The following ZFC3H1 variants were observed in gnomAD, a reference collection of about 807,000 sequenced individuals.
ZFC3H1 encodes the protein zinc finger C3H1 domain-containing protein.
In ZFC3H1, 71 loss-of-function variants were observed where a neutral mutation model predicts 243.7. That is an observed-to-expected ratio of 0.29 (90% CI 0.24 to 0.36). ZFC3H1 has a LOEUF of 0.36. Among genes scored for constraint, ZFC3H1 ranks in the 10% least tolerant of loss-of-function variants. The pLI, the probability that ZFC3H1 is intolerant of heterozygous loss-of-function variation, is 1.00. For missense variants in ZFC3H1, 1,966 were observed against 2,317.1 expected, an observed-to-expected ratio of 0.85 and a Z score of 3.11; for synonymous variants, 838 against 813.0, an observed-to-expected ratio of 1.03 and a Z score of -0.52.
chr12:71,627,283 A>AT (rs1227183849), intron 21 of ZFC3H1, among the ~76,000 whole-genome samples: 1 of 152,202 alleles, frequency 6.6e-6, no homozygotes, highest in African/African-American at 2.4e-5. Context: ...TTAAATACAT[A>AT]TAATTTAATA....
In ZFC3H1 at chr12:71,629,050, G is replaced by T; in HGVS notation, c.3827-13C>A. On this transcript the variant is annotated splice_polypyrimidine_tract_variant and intron_variant, in intron 19 of 34. Transcript: ENST00000378743. The stretch of plus-strand genomic sequence containing the variant: ...GTAAATGGAGGAGCTAAAGTAGATA[G>T]GAGAAGATTGTTAATTGATATAACT... 6.3e-7 allele frequency: 1 copy of T among 1,581,272 alleles called. No individual in the cohort carries two copies. The highest frequency in any genetic ancestry group is 1.4e-5 in the African/African-American group (1 of 72,772).
At chr12:71,657,484 C>T (rs898140529) in intron 1 of ZFC3H1, among the ~76,000 whole-genome samples, 183 bp from the exon 2 acceptor site, 1 of 152,086 alleles carries the variant, frequency 6.6e-6, no homozygotes, top group Admixed American at 6.6e-5. Flanking sequence ...ATTACGTGCC[C>T]ATATTTGAAT....
chr12:71,623,979 G>C, intron 23 of ZFC3H1, 125 bp downstream of exon 23: 1 of 998,308 alleles, frequency 1.0e-6, no homozygotes, highest in Non-Finnish European at 1.4e-6. Flanking sequence ...TTACTAGTAA[G>C]TGGAAAAACA....
chr12:71,613,143 C>T lies in ZFC3H1; in HGVS notation c.5627+192G>A, dbSNP rs187848489. On this transcript the variant is annotated intron_variant, in intron 31 of 34. Transcript: ENST00000378743. Reference sequence around the variant, plus strand: ...CTTTGTAACCTGAAGTTTTCTGAAGCGACCAGAATTTTTACACTGACTTTT... The same window carrying T: ...CTTTGTAACCTGAAGTTTTCTGAAGTGACCAGAATTTTTACACTGACTTTT... Among the ~76,000 whole-genome samples the T allele has an allele frequency of 3.4e-4, 52 of 152,196 alleles. No homozygotes were observed. The East Asian group carries it at 7.5e-3, about 22-fold the overall frequency.
At chr12:71,649,077 C>CA (rs1407276065) in intron 2 of ZFC3H1, among the ~76,000 whole-genome samples, 1 of 111,626 alleles carries the variant, frequency 9.0e-6, no homozygotes, top group African/African-American at 3.6e-5. Flanking sequence ...GGTAACAGAG[C>CA]AAGACTCTTG....
intron 5 of ZFC3H1, among the ~76,000 whole-genome samples, 200 bp downstream of exon 5, chr12:71,643,895 T>C (rs1423807121): frequency 1.3e-5 from 2 of 152,200 alleles, no homozygotes; most frequent in East Asian, 1.9e-4. Flanking sequence ...CTAAAAGCAG[T>C]CTCTGCTAAT....
intron 29 of ZFC3H1, 62 bp from the exon 30 acceptor site, chr12:71,614,762 G>A: frequency 6.3e-7 from 1 of 1,587,578 alleles, no homozygotes; most frequent in Admixed American, 1.8e-5. Flanking sequence ...CACCAAGAAA[G>A]CTGGTCACCC....
chr12:71,622,683 G>C (rs1049668068), intron 24 of ZFC3H1, among the ~76,000 whole-genome samples: 2 of 152,118 alleles, frequency 1.3e-5, no homozygotes, highest in African/African-American at 4.8e-5. Flanking sequence ...GACTGGTCTC[G>C]AACTCCTGAC....
In ZFC3H1 at chr12:71,636,973, G is replaced by A. The variant is rs761573895; in HGVS notation, c.1812C>T (p.Leu604=). ...PLPPLPPLPP[L]PPEDPEQPPK... The stretch of plus-strand genomic sequence containing the variant: ...GAGGCTGTTCTGGATCTTCAGGTGG[G>A]AGAGGTGGTAATGGTGGTAGAGGAG... Residue 604 remains leucine (L), a synonymous_variant, in exon 8 of 35, where the codon CTC becomes CTT. Transcript: ENST00000378743. 6.2e-7 allele frequency: 1 copy of A among 1,614,034 alleles called. No individual in the cohort carries two copies. Among genetic ancestry groups the A allele is most frequent in the South Asian group, 1.1e-5 (1 of 91,080 alleles).
chr12:71,645,122 A>T, intron 3 of ZFC3H1, 47 bp from the exon 4 acceptor site: 1 of 1,487,186 alleles, frequency 6.7e-7, no homozygotes, highest in Non-Finnish European at 9.0e-7. Flanking sequence ...TCTATTATTT[A>T]GCTTACACAT....
chr12:71,647,743 T>G lies in ZFC3H1; in HGVS notation c.1080+6A>C. The G allele has an allele frequency of 2.0e-6, 3 of 1,467,878 alleles. No individual in the cohort carries two copies. The highest frequency in any genetic ancestry group is 2.8e-6 in the Non-Finnish European group (3 of 1,077,498). 90.9% of individuals were successfully genotyped at this position (1,467,878 alleles called of 1,614,324 possible). On this transcript the variant is annotated splice_donor_region_variant and intron_variant, in intron 3 of 34. Transcript: ENST00000378743. Reference sequence around the variant, plus strand: ...GAGATGATAGTCTCACAAAGCAGTATCTTACCTTTTCAGACAGAATATCTG... The same window carrying G: ...GAGATGATAGTCTCACAAAGCAGTAGCTTACCTTTTCAGACAGAATATCTG...
intron 2 of ZFC3H1, among the ~76,000 whole-genome samples, chr12:71,651,570 T>C (rs184196228): frequency 6.6e-6 from 1 of 152,242 alleles, no homozygotes; most frequent in Non-Finnish European, 1.5e-5. Context: ...AATTTGCAAT[T>C]AGGTCACAGA....
chr12:71,622,049 C>T (rs1880043754), intron 24 of ZFC3H1, among the ~76,000 whole-genome samples: 1 of 152,204 alleles, frequency 6.6e-6, no homozygotes, highest in Non-Finnish European at 1.5e-5. Context: ...AGCTTAATCA[C>T]TACTATTGTC....
chr12:71,641,336 A>T (rs930813520), intron 6 of ZFC3H1, among the ~76,000 whole-genome samples: 17 of 152,244 alleles, frequency 1.1e-4, no homozygotes, highest in East Asian at 3.8e-4. Flanking sequence ...TTTGGTAAAC[A>T]CTAGCCAAAT....
chr12:71,629,156 T>A, intron 19 of ZFC3H1, 119 bp from the exon 20 acceptor site: 1 of 919,276 alleles, frequency 1.1e-6, no homozygotes, highest in Non-Finnish European at 1.5e-6. Flanking sequence ...AAATGATACG[T>A]ATTTTTTTTT....
intron 1 of ZFC3H1, among the ~76,000 whole-genome samples, chr12:71,658,677 A>G (rs888902048): frequency 6.6e-6 from 1 of 152,186 alleles, no homozygotes; most frequent in Non-Finnish European, 1.5e-5. Context: ...CAAGCAGCAG[A>G]AAAGGTTTTT....
Position 71,644,960 on chromosome 12 carries a change from T to C in ZFC3H1, c.1196A>G (p.Glu399Gly), listed in dbSNP as rs759133164. The change falls in exon 4 of 35, where the codon GAA becomes GGA. Residue 399 changes from glutamate to glycine, a missense_variant. Coordinates refer to ENST00000378743, the MANE Select transcript of ZFC3H1 (RefSeq NM_144982.5). Reference protein sequence around the residue: ...KEQQVMKESKEKLTKTKTVQQ... With the variant: ...KEQQVMKESKGKLTKTKTVQQ... ...TACAGTTTTCGTCTTAGTCAACTTT[T>C]CTTTGCTTTCTTTCATCACCTGCTG... The C allele has an allele frequency of 1.2e-6, 2 of 1,613,400 alleles. No individual in the cohort carries two copies. Among genetic ancestry groups the C allele is most frequent in the Admixed American group, 1.7e-5 (1 of 60,028 alleles).
At chr12:71,644,850 A>G in intron 4 of ZFC3H1, 27 bp downstream of exon 4, 1 of 1,587,314 alleles carries the variant, frequency 6.3e-7, no homozygotes, top group Non-Finnish European at 8.5e-7. Flanking sequence ...CAAAACAAAA[A>G]CACAAGAATT....
chr12:71,663,803 A>T lies in ZFC3H1; in HGVS notation c.-193T>A. 1 of 637,954 alleles carries T rather than the reference A, an allele frequency of 1.6e-6. No homozygotes were observed. The highest frequency in any genetic ancestry group is 2.7e-6 in the Non-Finnish European group (1 of 375,524). The allele number at this position is 637,954 out of a possible 1,614,324, so 39.5% of individuals were successfully genotyped here. ...CTCTCTCGCCGGACCGTCGCAACCCAGTTCCCTTTCCTAGCGCCCCCTTGC... is the reference window on the plus strand; with the variant it reads ...CTCTCTCGCCGGACCGTCGCAACCCTGTTCCCTTTCCTAGCGCCCCCTTGC... On this transcript the variant is annotated 5_prime_UTR_variant, in exon 1 of 35. Transcript: ENST00000378743.
Sources: allele counts gnomAD v4.1 joint callset (sites outside exome capture counted in the v4.1 genomes callset), GRCh38; gene constraint gnomAD v4.1.1; transcripts MANE v1.5; gene names NCBI Gene and HGNC (gene_info 2026-07-23, HGNC 2026-07-21).